HYAL4: variants seen among roughly 807,000 people sequenced by gnomAD.
The protein encoded by HYAL4 is hyaluronidase 4, also known as hyaluronidase-4.
Under a neutral mutation model 35.2 loss-of-function variants are expected in HYAL4, and 37 were observed. The observed-to-expected ratio is 1.05, with a 90% CI of 0.81 to 1.38. The LOEUF is 1.38. HYAL4 is among the 40% of genes most tolerant of loss of function. The pLI, the probability that HYAL4 is intolerant of heterozygous loss-of-function variation, is 0.00. For synonymous variants in HYAL4, 198 were observed against 203.2 expected, an observed-to-expected ratio of 0.97 and a Z score of 0.22; for missense variants, 572 against 572.4, an observed-to-expected ratio of 1.00 and a Z score of 0.01.
At chr7:123,784,940 G>A in the HYAL4 span, among the ~76,000 whole-genome samples, 1 of 152,264 alleles carries the variant, frequency 6.6e-6, no homozygotes, top group Admixed American at 6.5e-5. Flanking sequence ...TACTGTGTTA[G>A]GGAGTTGTAT....
At chr7:123,872,007 G>C (rs1003241796) in intron 3 of HYAL4, among the ~76,000 whole-genome samples, 2 of 152,132 alleles carry the variant, frequency 1.3e-5, no homozygotes, top group African/African-American at 4.8e-5. Context: ...TTTATTATTA[G>C]TTTTTCATTT....
chr7:123,815,706 G>A, the HYAL4 span, among the ~76,000 whole-genome samples: 2 of 152,108 alleles, frequency 1.3e-5, no homozygotes, highest in Non-Finnish European at 2.9e-5. Context: ...TGTCACATAG[G>A]ACATTCTTGT....
the HYAL4 span, among the ~76,000 whole-genome samples, chr7:123,781,841 T>A: frequency 1.3e-4 from 20 of 152,320 alleles, no homozygotes; most frequent in South Asian, 3.9e-3. Context: ...AATCAAATTG[T>A]GGCTTTCCTG....
upstream of HYAL4, among the ~76,000 whole-genome samples, chr7:123,824,630 G>A (rs1357166366): frequency 1.3e-5 from 2 of 151,934 alleles, no homozygotes; most frequent in Non-Finnish European, 2.9e-5. Flanking sequence ...AACAATGCAG[G>A]CTTTAGCTAC....
the HYAL4 span, among the ~76,000 whole-genome samples, chr7:123,787,711 C>T: frequency 2.0e-5 from 3 of 152,090 alleles, no homozygotes; most frequent in Admixed American, 2.0e-4. Flanking sequence ...TTCCTTAATG[C>T]GTCTGAATCC....
the HYAL4 span, among the ~76,000 whole-genome samples, chr7:123,792,004 T>C: frequency 1.3e-5 from 2 of 152,216 alleles, no homozygotes; most frequent in Non-Finnish European, 2.9e-5. Context: ...TATTTTCATC[T>C]TCTTTGGGAC....
the HYAL4 span, among the ~76,000 whole-genome samples, chr7:123,788,857 A>G: frequency 1.3e-5 from 2 of 152,202 alleles, no homozygotes; most frequent in East Asian, 3.8e-4. Flanking sequence ...TCCTTCATTA[A>G]AAATGTAATT....
At chr7:123,774,897 G>T in the HYAL4 span, among the ~76,000 whole-genome samples, 1 of 152,154 alleles carries the variant, frequency 6.6e-6, no homozygotes. Flanking sequence ...CTACTTCCAG[G>T]ATGCTTTCTC....
At chr7:123,853,888 T>C (rs573186610) in intron 2 of HYAL4, among the ~76,000 whole-genome samples, 5 of 152,086 alleles carry the variant, frequency 3.3e-5, no homozygotes, top group Admixed American at 6.6e-5. Flanking sequence ...GCTAGTAATT[T>C]CTGCCTCAAT....
chr7:123,802,842 A>G, the HYAL4 span, among the ~76,000 whole-genome samples: 2 of 152,244 alleles, frequency 1.3e-5, no homozygotes, highest in African/African-American at 4.8e-5. Flanking sequence ...ATTATGAAAC[A>G]TATGCAATTG....
At chr7:123,840,456 T>A (rs1262513710), upstream of HYAL4, among the ~76,000 whole-genome samples, 3 of 152,158 alleles carry the variant, frequency 2.0e-5, no homozygotes, top group African/African-American at 7.2e-5. Flanking sequence ...CTTAGGATTG[T>A]CTTGGCAATG....
the HYAL4 span, among the ~76,000 whole-genome samples, chr7:123,812,503 G>T: frequency 6.6e-6 from 1 of 152,090 alleles, no homozygotes; most frequent in South Asian, 2.1e-4. Flanking sequence ...AGGCTAGCTA[G>T]AAAAATAGAT....
At chr7:123,807,730 C>T in the HYAL4 span, among the ~76,000 whole-genome samples, 1 of 148,810 alleles carries the variant, frequency 6.7e-6, no homozygotes, top group African/African-American at 2.5e-5. Context: ...GGTGCCTGGC[C>T]TATTTTTTAT....
At chr7:123,874,918 G>T in intron 4 of HYAL4, 68 bp downstream of exon 4, 1 of 923,210 alleles carries the variant, frequency 1.1e-6, no homozygotes. Context: ...TTCTTGGAGA[G>T]CTTAATGACC....
At chr7:123,856,324 A>C (rs902264269) in intron 2 of HYAL4, among the ~76,000 whole-genome samples, 10 of 151,918 alleles carry the variant, frequency 6.6e-5, no homozygotes, top group African/African-American at 1.9e-4. Context: ...CCTCATCTTC[A>C]TGGATTTATC....
the HYAL4 span, among the ~76,000 whole-genome samples, chr7:123,811,668 G>T: frequency 6.6e-6 from 1 of 152,050 alleles, no homozygotes; most frequent in African/African-American, 2.4e-5. Flanking sequence ...TCACAGATGA[G>T]ATGTTTTTAA....
chr7:123,769,754 C>T, the HYAL4 span, among the ~76,000 whole-genome samples: 1 of 150,702 alleles, frequency 6.6e-6, no homozygotes, highest in Admixed American at 6.6e-5. Context: ...ATAGTTTAAA[C>T]AGTCCTTTTG....
chr7:123,785,465 T>C, the HYAL4 span, among the ~76,000 whole-genome samples: 1 of 152,160 alleles, frequency 6.6e-6, no homozygotes, highest in African/African-American at 2.4e-5. The surrounding 1 kb of genome is among the most constrained non-coding windows in gnomAD (Gnocchi z 4.5). Flanking sequence ...TATGAGGCAG[T>C]GGGCAGTCCA....
the HYAL4 span, among the ~76,000 whole-genome samples, chr7:123,798,856 A>C: frequency 6.6e-6 from 1 of 152,284 alleles, no homozygotes; most frequent in Admixed American, 6.5e-5. Context: ...GACTGTGTGG[A>C]ACATAAAATT....
Sources: allele counts gnomAD v4.1 joint callset (sites outside exome capture counted in the v4.1 genomes callset), GRCh38; gene constraint gnomAD v4.1.1; non-coding constraint Gnocchi (gnomAD v3.1); transcripts MANE v1.5; gene names NCBI Gene and HGNC (gene_info 2026-07-23, HGNC 2026-07-21).